REEP5: variants seen among roughly 807,000 people sequenced by gnomAD.
REEP5 encodes the protein receptor expression-enhancing protein 5.
In REEP5, 24 loss-of-function variants were observed where a neutral mutation model predicts 22.4. That is an observed-to-expected ratio of 1.07 (90% CI 0.78 to 1.51). The LOEUF (loss-of-function observed/expected upper bound fraction) is 1.51, where lower values mean the gene tolerates loss of function less well. Among genes scored for constraint, REEP5 ranks in the 40% most tolerant of loss-of-function variants. The pLI, the probability that REEP5 is intolerant of heterozygous loss-of-function variation, is 0.00. For synonymous variants in REEP5, 103 were observed against 88.6 expected, an observed-to-expected ratio of 1.16 and a Z score of -0.92; for missense variants, 252 against 233.0, an observed-to-expected ratio of 1.08 and a Z score of -0.53.
chr5:112,915,880 TAAAA>T lies in REEP5; in HGVS notation c.212+5279_212+5282del, dbSNP rs375548847. Among the ~76,000 whole-genome samples, 7 of 133,822 alleles carry T rather than the reference TAAAA, an allele frequency of 5.2e-5. No homozygotes were observed. The East Asian group carries it at 1.1e-3, about 21-fold the overall frequency. 87.8% of individuals were successfully genotyped at this position (133,822 alleles called of 152,430 possible). On this transcript the variant is annotated intron_variant, in intron 2 of 4. Transcript: ENST00000379638. ...AAAAGAACAAAACATAATTACAATT[TAAAA>T]AAAAAAAAAAAAACCCACAAGAAAA...
intron 2 of REEP5, among the ~76,000 whole-genome samples, chr5:112,918,169 A>G (rs567029603): frequency 2.0e-5 from 3 of 152,190 alleles, no homozygotes; most frequent in Non-Finnish European, 2.9e-5. Context: ...ATGGCCAAAA[A>G]TTCTAGAAAC....
At chr5:112,915,121 T>C (rs7701868) in intron 2 of REEP5, among the ~76,000 whole-genome samples, 14,310 of 151,912 alleles carry the variant, frequency 0.094, 1,645 homozygotes, top group African/African-American at 0.27. Context: ...AAGTCAGTCC[T>C]GAAAAAGAGA....
rs796250687 is a variant in REEP5 at position 112,900,356 on chromosome 5, A to G, written c.351+2024T>C. On this transcript the variant is annotated intron_variant, in intron 3 of 4. Coordinates refer to ENST00000379638, the MANE Select transcript of REEP5 (RefSeq NM_005669.5). ...AGAAATTTTTAGTTGAATTTATCAAATCTTTTTCTTTGAAACTTTTGTATT... is the reference window on the plus strand; with the variant it reads ...AGAAATTTTTAGTTGAATTTATCAAGTCTTTTTCTTTGAAACTTTTGTATT... Among the ~76,000 whole-genome samples, 8 of 152,314 alleles carry G rather than the reference A, an allele frequency of 5.3e-5. 1 individual carries two copies. Among genetic ancestry groups the G allele is most frequent in the African/African-American group, 1.4e-4 (6 of 41,560 alleles).
intron 3 of REEP5, among the ~76,000 whole-genome samples, chr5:112,890,289 CAAAA>C (rs1768396400): frequency 6.8e-6 from 1 of 146,666 alleles, no homozygotes; most frequent in Non-Finnish European, 1.5e-5. Flanking sequence ...GACCCTGTCT[CAAAA>C]AGACAAAAAA....
intron 4 of REEP5, chr5:112,885,779 T>C (rs1768224982): frequency 4.0e-6 from 1 of 249,056 alleles, no homozygotes; most frequent in Non-Finnish European, 8.4e-6. Context: ...GCCAAGCCCG[T>C]AGTCTGAGAC....
intron 2 of REEP5, among the ~76,000 whole-genome samples, chr5:112,916,096 G>A (rs1156549807): frequency 6.6e-6 from 1 of 152,176 alleles, no homozygotes; most frequent in Non-Finnish European, 1.5e-5. Context: ...TTAGGAGTCT[G>A]TCAATGCACA....
At chr5:112,899,229 C>A (rs935233908) in intron 3 of REEP5, among the ~76,000 whole-genome samples, 1 of 151,010 alleles carries the variant, frequency 6.6e-6, no homozygotes, top group African/African-American at 2.4e-5. Context: ...CAGGCATGCA[C>A]CACCATGCCT....
At chr5:112,899,345 A>G (rs1308320512) in intron 3 of REEP5, among the ~76,000 whole-genome samples, 1 of 151,634 alleles carries the variant, frequency 6.6e-6, no homozygotes, top group African/African-American at 2.4e-5. Flanking sequence ...GGGTCTCACC[A>G]TGTTGCCCAG....
intron 2 of REEP5, among the ~76,000 whole-genome samples, chr5:112,908,094 GTTTTTTGTTT>G (rs1768997107): frequency 5.5e-5 from 4 of 72,610 alleles, no homozygotes; most frequent in Admixed American, 1.2e-4. Context: ...GACTTTCTTT[GTTTTTTGTTT>G]TTTTTTTTTT....
At position 112,892,747 on chromosome 5, in the gene REEP5, G is replaced by A. The variant is rs1273621192; in HGVS notation, c.352-5564C>T. The stretch of plus-strand genomic sequence containing the variant: ...CTTTGGCAAGAACTCCGAGAGGAGG[G>A]AGAAGATGGGCCACCACGACCACTA... On this transcript the variant is annotated intron_variant, in intron 3 of 4. Coordinates refer to ENST00000379638, the MANE Select transcript of REEP5 (RefSeq NM_005669.5). 1.4e-5 allele frequency: 23 copies of A among 1,613,896 alleles called. No homozygotes were observed. The African/African-American group carries it at 1.5e-4, about 10-fold the overall frequency.
intron 4 of REEP5, among the ~76,000 whole-genome samples, chr5:112,883,015 C>A (rs925291039): frequency 6.6e-6 from 1 of 152,240 alleles, no homozygotes; most frequent in African/African-American, 2.4e-5. Context: ...CTGGATCCTT[C>A]ACTGGTCAAG....
chr5:112,894,225 T>C (rs1257792692), intron 3 of REEP5: 2 of 152,002 alleles, frequency 1.3e-5, no homozygotes, highest in Admixed American at 6.6e-5. Flanking sequence ...ATTCAAGTGA[T>C]TCCCCTGCCT....
chr5:112,909,927 G>T (rs1477158450), intron 2 of REEP5, among the ~76,000 whole-genome samples: 1 of 152,204 alleles, frequency 6.6e-6, no homozygotes, highest in East Asian at 1.9e-4. Flanking sequence ...GATATTCCCT[G>T]ACCCATGACA....
intron 2 of REEP5, among the ~76,000 whole-genome samples, chr5:112,915,893 A>C (rs904126419): frequency 6.6e-6 from 1 of 151,622 alleles, no homozygotes; most frequent in Non-Finnish European, 1.5e-5. Context: ...AAAAAAAAAA[A>C]AAAACCCACA....
chr5:112,919,819 G>T (rs967338861), intron 2 of REEP5, among the ~76,000 whole-genome samples: 1 of 152,144 alleles, frequency 6.6e-6, no homozygotes, highest in Non-Finnish European at 1.5e-5. Context: ...AAGGTATTTT[G>T]TTATAGCAGC....
chr5:112,915,941 G>A (rs1367151464), intron 2 of REEP5, among the ~76,000 whole-genome samples: 2 of 146,636 alleles, frequency 1.4e-5, no homozygotes, highest in Non-Finnish European at 3.0e-5. Flanking sequence ...AGTCCAAGAA[G>A]AGAACTACAA....
chr5:112,878,792 G>A lies in REEP5; in HGVS notation c.564C>T (p.Ser188=). ...TVNLLGEEKK[S]T The stretch of plus-strand genomic sequence containing the variant: ...AGTTTCCATCCAGTCTGGTTTAGGT[G>A]CTCTTCTTTTCTTCACCCAGTAAAT... Residue 188 remains serine (S), a synonymous_variant, in exon 5 of 5, where the codon AGC becomes AGT. Coordinates refer to ENST00000379638, the MANE Select transcript of REEP5 (RefSeq NM_005669.5). The A allele has an allele frequency of 6.2e-7, 1 of 1,614,140 alleles. No homozygotes were observed. The highest frequency in any genetic ancestry group is 8.5e-7 in the Non-Finnish European group (1 of 1,180,028).
chr5:112,890,181 C>G (rs1246869580), intron 3 of REEP5, among the ~76,000 whole-genome samples: 1 of 150,192 alleles, frequency 6.7e-6, no homozygotes, highest in East Asian at 2.0e-4. Context: ...TGTGGTCCTC[C>G]TGGGAGGTTG....
intron 3 of REEP5, chr5:112,895,039 C>T (rs1014554207): frequency 2.0e-5 from 3 of 150,888 alleles, no homozygotes; most frequent in Non-Finnish European, 4.4e-5. Context: ...GAGTTCGAGA[C>T]CATCCTGGCC....
Sources: gnomAD v4.1 joint callset for allele counts (sites outside exome capture counted in the v4.1 genomes callset) on GRCh38, gnomAD v4.1.1 for gene constraint, MANE v1.5 for transcripts, NCBI Gene and HGNC (gene_info 2026-07-23, HGNC 2026-07-21) for gene names.